The following MTMR8 variants were observed in gnomAD, a reference collection of about 807,000 sequenced individuals.
MTMR8 encodes the protein myotubularin related protein 8.
A neutral mutation model predicts 39.3 loss-of-function variants in MTMR8; 65 were observed. The ratio of observed to expected loss-of-function variants is 1.65; its 90% CI spans 1.35 to 2.03. The LOEUF (loss-of-function observed/expected upper bound fraction) is 2.03, where lower values mean the gene tolerates loss of function less well. MTMR8 is among the 30% of genes most tolerant of loss of function. The pLI is 0.00. For missense variants in MTMR8, 777 were observed against 538.9 expected (o/e 1.44, Z -4.37); for synonymous variants, 245 against 185.2 (o/e 1.32, Z -2.62).
chrX:64,361,780 A>G (rs1181680458), intron 1 of MTMR8, among the ~76,000 whole-genome samples: 1 of 111,157 alleles, frequency 9.0e-6, no homozygotes, highest in African/African-American at 3.3e-5. Flanking sequence ...GACAAACTTG[A>G]CTCTAACTAT....
intron 12 of MTMR8, among the ~76,000 whole-genome samples, chrX:64,289,472 T>G (rs1195364261): frequency 1.8e-5 from 2 of 108,722 alleles, no homozygotes; most frequent in African/African-American, 6.7e-5. Context: ...ACCCTGTCTC[T>G]ACAAAAATAA....
chrX:64,268,766 C>T lies in MTMR8; in HGVS notation c.1886G>A (p.Gly629Asp), dbSNP rs376254395. ...AGAGATGCCCATGGCCTCAGAGATG[C>T]CCACATCCCCAGAGATATTTATGGC... Reference protein sequence around the residue: ...LRAINISGDVGISEAMGISGD... With the variant: ...LRAINISGDVDISEAMGISGD... Residue 629 changes from glycine (G) to aspartate (D), a missense_variant, in exon 14 of 14, where the codon GGC (glycine) becomes GAC (aspartate). By Grantham distance (94) the Gly-to-Asp change is moderately conservative. Transcript: ENST00000374852. 150 of 1,209,798 alleles carry T rather than the reference C, an allele frequency of 1.2e-4. No homozygotes were observed. In the South Asian group the frequency reaches 2.1e-3, roughly 17 times the overall value.
intron 12 of MTMR8, among the ~76,000 whole-genome samples, chrX:64,287,707 C>A (rs1921237690): frequency 9.2e-6 from 1 of 109,198 alleles, no homozygotes; most frequent in African/African-American, 3.3e-5. Flanking sequence ...CAAAAACAAG[C>A]AATGGGGAAA....
chrX:64,306,988 C>T (rs184605625), intron 12 of MTMR8, among the ~76,000 whole-genome samples: 79 of 112,122 alleles, frequency 7.0e-4, no homozygotes, highest in East Asian at 3.9e-3. Flanking sequence ...GCAACGGTGG[C>T]GGAATGTAAT....
chrX:64,385,674 C>T (rs1268978783), intron 1 of MTMR8, among the ~76,000 whole-genome samples: 1 of 111,010 alleles, frequency 9.0e-6, no homozygotes, highest in Non-Finnish European at 1.9e-5. Flanking sequence ...AGAGCAAGAG[C>T]AAGGGTAGGC....
In MTMR8 at chrX:64,331,610, G is replaced by A; in HGVS notation, c.1299C>T (p.Ser433=). 8.3e-7 allele frequency: 1 copy of A among 1,210,432 alleles called. No homozygotes were observed. The highest frequency in any genetic ancestry group is 1.1e-6 in the Non-Finnish European group (1 of 894,836). The change falls in exon 11 of 14, where the codon TCC becomes TCT. Residue 433 remains serine (S), a synonymous_variant. Transcript: ENST00000374852. ...FLLEIHDHVF[S]CQFGNFLGNC... ...TACCAAGGAAGTTTCCAAACTGGCA[G>A]GAGAAAACATGGTCATGAATCTCCA...
chrX:64,306,504 G>T (rs770669581), intron 12 of MTMR8: 6 of 143,444 alleles, frequency 4.2e-5, no homozygotes, highest in African/African-American at 9.5e-5. Flanking sequence ...ATCACTTGAA[G>T]CATTTTGAAT....
intron 12 of MTMR8, among the ~76,000 whole-genome samples, chrX:64,319,250 A>C (rs1922560173): frequency 8.9e-6 from 1 of 112,556 alleles, no homozygotes; most frequent in African/African-American, 3.2e-5. Context: ...TCTAATTTAA[A>C]TAAACTTACA....
At chrX:64,392,635 T>C (rs1924719298) in intron 1 of MTMR8, among the ~76,000 whole-genome samples, 2 of 111,072 alleles carry the variant, frequency 1.8e-5, no homozygotes, top group African/African-American at 6.6e-5. Context: ...CAGTAGCGGT[T>C]GCACAGGTGT....
intron 12 of MTMR8, among the ~76,000 whole-genome samples, chrX:64,292,373 G>A (rs1921428244): frequency 2.7e-5 from 3 of 111,449 alleles, no homozygotes; most frequent in Admixed American, 9.6e-5. Context: ...AAAGGAAGTG[G>A]CTATCCTACT....
intron 12 of MTMR8, among the ~76,000 whole-genome samples, chrX:64,272,758 G>T (rs1261604615): frequency 9.0e-6 from 1 of 111,301 alleles, no homozygotes; most frequent in East Asian, 2.8e-4. Context: ...AAGACAGAGA[G>T]AATTTTGAAA....
chrX:64,275,647 TC>T (rs765257107), intron 12 of MTMR8, among the ~76,000 whole-genome samples: 5,765 of 69,698 alleles, frequency 0.083, 542 homozygotes, highest in African/African-American at 0.41. Context: ...TGAGTCTCTC[TC>T]AAAAAAAAAA....
At chrX:64,302,651 T>C (rs954275197) in intron 12 of MTMR8, among the ~76,000 whole-genome samples, 1 of 112,743 alleles carries the variant, frequency 8.9e-6, no homozygotes, top group Non-Finnish European at 1.9e-5. Flanking sequence ...CTGAAAAGCT[T>C]GATAGTACCA....
chrX:64,364,789 C>G (rs761938738), intron 1 of MTMR8, among the ~76,000 whole-genome samples: 1 of 111,906 alleles, frequency 8.9e-6, no homozygotes, highest in Admixed American at 9.5e-5. Flanking sequence ...AAGTAGGCAT[C>G]AGAAGGTCAG....
intron 1 of MTMR8, among the ~76,000 whole-genome samples, chrX:64,386,910 A>G (rs1467876991): frequency 9.1e-6 from 1 of 109,902 alleles, no homozygotes; most frequent in Non-Finnish European, 1.9e-5. Context: ...AAAATTAGCC[A>G]TGTGTGGGGC....
chrX:64,320,340 C>T (rs1217199932), intron 12 of MTMR8, among the ~76,000 whole-genome samples: 2 of 110,908 alleles, frequency 1.8e-5, no homozygotes, highest in Non-Finnish European at 3.8e-5. Context: ...CCCTATTCCC[C>T]AGCTTAGTGG....
chrX:64,378,325 A>T (rs1349637989), intron 1 of MTMR8, among the ~76,000 whole-genome samples: 1 of 111,867 alleles, frequency 8.9e-6, no homozygotes, highest in Non-Finnish European at 1.9e-5. Context: ...GACTCCAGTG[A>T]TTCTCCCATC....
chrX:64,308,462 C>A (rs1922196019), intron 12 of MTMR8, among the ~76,000 whole-genome samples: 1 of 108,679 alleles, frequency 9.2e-6, no homozygotes, highest in Non-Finnish European at 1.9e-5. Context: ...AGCCACTGTG[C>A]CCAGCTGACA....
intron 1 of MTMR8, among the ~76,000 whole-genome samples, chrX:64,386,969 G>A (rs908242425): frequency 1.8e-4 from 20 of 111,041 alleles, no homozygotes; most frequent in Non-Finnish European, 3.4e-4. Flanking sequence ...GGGAAGGATC[G>A]CTTAAGCCTG....
Sources: allele counts gnomAD v4.1 joint callset (sites outside exome capture counted in the v4.1 genomes callset), GRCh38; gene constraint gnomAD v4.1.1; transcripts MANE v1.5; gene names NCBI Gene and HGNC (gene_info 2026-07-23, HGNC 2026-07-21).